NEO1: variants seen among roughly 807,000 people sequenced by gnomAD.
The protein encoded by NEO1 is neogenin 1.
In NEO1, 63 loss-of-function variants were observed where a neutral mutation model predicts 159.7. The observed-to-expected ratio is 0.39, with a 90% CI of 0.32 to 0.49. NEO1 has a LOEUF of 0.49. Ranked by LOEUF, NEO1 falls within the 20% of genes least tolerant of loss-of-function variation. NEO1 has a pLI of 0.85. For missense variants in NEO1, 1,615 were observed against 1,831.0 expected (o/e 0.88, Z 2.15); for synonymous variants, 633 against 662.0 (o/e 0.96, Z 0.67).
intron 4 of NEO1, among the ~76,000 whole-genome samples, chr15:73,127,120 A>G (rs140009173): frequency 3.3e-5 from 5 of 151,840 alleles, no homozygotes; most frequent in Admixed American, 1.3e-4. Context: ...AGTCCCAGCT[A>G]CTCGGGAGGC....
Position 73,270,079 on chromosome 15 carries a change from T to G in NEO1, c.2564T>G (p.Met855Arg). The change falls in exon 17 of 29, where the codon ATG becomes AGG. Residue 855 changes from methionine to arginine, a missense_variant. Physicochemically the swap from Met to Arg is moderately conservative, Grantham distance 91. Coordinates refer to ENST00000261908, the MANE Select transcript of NEO1 (RefSeq NM_002499.4). ...CCAGTGCCAGATCCCACTCCCATGATGCCACCAGTGGGAGTTCAGGCTTCC... is the reference window on the plus strand; with the variant it reads ...CCAGTGCCAGATCCCACTCCCATGAGGCCACCAGTGGGAGTTCAGGCTTCC... Reference protein sequence around the residue: ...YTPVPDPTPMMPPVGVQASIL... With the variant: ...YTPVPDPTPMRPPVGVQASIL... The G allele has an allele frequency of 3.1e-6, 5 of 1,614,182 alleles. No individual in the cohort carries two copies. Among genetic ancestry groups the G allele is most frequent in the Non-Finnish European group, 4.2e-6 (5 of 1,180,000 alleles).
chr15:73,158,512 T>C lies in NEO1; in HGVS notation c.1016-17891T>C, dbSNP rs567861964. Among the ~76,000 whole-genome samples the C allele has an allele frequency of 2.4e-3, 361 of 151,972 alleles. 1 individual carries two copies. The highest frequency in any genetic ancestry group is 8.3e-3 in the African/African-American group (345 of 41,474). ...TCCTGGGCTCAAGCAATCCTCCTGCTTCAGCCTCCTGTGTAACTGGGACCA... is the reference window on the plus strand; with the variant it reads ...TCCTGGGCTCAAGCAATCCTCCTGCCTCAGCCTCCTGTGTAACTGGGACCA... On this transcript the variant is annotated intron_variant, in intron 5 of 28. Coordinates refer to ENST00000261908, the MANE Select transcript of NEO1 (RefSeq NM_002499.4).
At position 73,270,409 on chromosome 15, in the gene NEO1, T is replaced by C. The variant is rs1445665986; in HGVS notation, c.2812T>C (p.Ser938Pro). The C allele has an allele frequency of 1.2e-6, 2 of 1,613,974 alleles. No homozygotes were observed. Residue 938 changes from serine (S) to proline (P), a missense_variant, in exon 18 of 29, where the codon TCA becomes CCA. This residue lies in a region of NEO1 where 126 missense variants were observed against 216.7 expected (regional missense o/e 0.58). Coordinates refer to ENST00000261908, the MANE Select transcript of NEO1 (RefSeq NM_002499.4). ...FSVMVTKGRR[S>P]STWSMTAHGT... is the part of the protein sequence containing the mutation. ...TGTGATGGTGACCAAAGGTCGAAGA[T>C]CAAGTACATGGAGTATGACAGCCCA...
intron 3 of NEO1, among the ~76,000 whole-genome samples, 179 bp from the exon 4 acceptor site, chr15:73,126,238 G>T (rs189717185): frequency 6.6e-6 from 1 of 152,046 alleles, no homozygotes; most frequent in Non-Finnish European, 1.5e-5. Context: ...GTGCTTTGTC[G>T]TGTGTGTATG....
intron 26 of NEO1, among the ~76,000 whole-genome samples, chr15:73,296,984 T>C (rs1288169645): frequency 6.6e-6 from 1 of 152,238 alleles, no homozygotes; most frequent in African/African-American, 2.4e-5. Context: ...GGGGGACTAC[T>C]GTACTTGTTA....
rs774620665 is a variant in NEO1, at chr15:73,116,756, A to G, written c.347A>G (p.His116Arg). 8.7e-6 allele frequency: 14 copies of G among 1,613,962 alleles called. No individual in the cohort carries two copies. Among genetic ancestry groups the G allele is most frequent in the Middle Eastern group, 1.6e-4 (1 of 6,082 alleles). ...DGSLFISNVV[H>R]SKHNKPDEGY... The stretch of plus-strand genomic sequence containing the variant: ...TCTTTATTTATCAGCAATGTGGTGC[A>G]TTCCAAACACAATAAACCTGATGAA... Residue 116 changes from histidine to arginine, a missense_variant, in exon 2 of 29, where the codon CAT becomes CGT. Physicochemically the swap from His to Arg is conservative, Grantham distance 29. Around this residue, in one of 3 missense-constraint regions of NEO1, gnomAD observed 1,018 missense variants for 1,115.4 expected, o/e 0.91. Transcript: ENST00000261908.
intron 16 of NEO1, among the ~76,000 whole-genome samples, chr15:73,268,528 A>G (rs963031138): frequency 6.6e-6 from 1 of 152,108 alleles, no homozygotes; most frequent in Non-Finnish European, 1.5e-5. Context: ...AATGTATGCT[A>G]CTCCTCTGTT....
In NEO1 at chr15:73,126,066, C is replaced by T. The variant is rs139618947; in HGVS notation, c.725-351C>T. On this transcript the variant is annotated intron_variant, in intron 3 of 28. Coordinates refer to ENST00000261908, the MANE Select transcript of NEO1 (RefSeq NM_002499.4). ...GCAATAAGTTATACATCCTTAAGACCCCTAAAGAGCCTAGCACAATGCTTT... is the reference window on the plus strand; with the variant it reads ...GCAATAAGTTATACATCCTTAAGACTCCTAAAGAGCCTAGCACAATGCTTT... 3.5e-3 allele frequency among the ~76,000 whole-genome samples: 538 copies of T among 152,216 alleles called. 3 individuals carry two copies. Among genetic ancestry groups the T allele is most frequent in the African/African-American group, 0.012 (506 of 41,526 alleles).
chr15:73,262,195 T>G (rs531946200), intron 15 of NEO1, among the ~76,000 whole-genome samples: 1 of 152,252 alleles, frequency 6.6e-6, no homozygotes, highest in South Asian at 2.1e-4. Flanking sequence ...CTTTATGACT[T>G]TGGGATAGGC....
intron 8 of NEO1, among the ~76,000 whole-genome samples, chr15:73,244,022 A>C (rs1359169902): frequency 1.3e-5 from 2 of 152,284 alleles, no homozygotes; most frequent in East Asian, 3.9e-4. Flanking sequence ...GTGATTTCTA[A>C]AGCCTAGAAA....
chr15:73,257,130 TCCAAAAAAAAA>T (rs1026473637), intron 13 of NEO1, among the ~76,000 whole-genome samples: 1 of 1,700 alleles, frequency 5.9e-4, no homozygotes, highest in African/African-American at 7.3e-4. Flanking sequence ...AGACTCTGTC[TCCAAAAAAAAA>T]AAAAAAAAAA....
In NEO1 at chr15:73,274,754, T is replaced by C. The variant is rs924937491; in HGVS notation, c.3193+30T>C. 2.5e-6 allele frequency: 4 copies of C among 1,601,696 alleles called. No individual in the cohort carries two copies. The Admixed American group carries it at 5.1e-5, about 20-fold the overall frequency. On this transcript the variant is annotated intron_variant, in intron 21 of 28. Coordinates refer to ENST00000261908, the MANE Select transcript of NEO1 (RefSeq NM_002499.4). ...ATGAGTAGATGGCCTCTCTTTTCTT[T>C]CCTTTCTTTTGTGACCTATTATTAG... is the stretch of plus-strand genomic sequence containing the variant.
chr15:73,106,791 A>G (rs1312216368), intron 1 of NEO1, among the ~76,000 whole-genome samples: 1 of 152,210 alleles, frequency 6.6e-6, no homozygotes, highest in Non-Finnish European at 1.5e-5. Flanking sequence ...AATTGAAATA[A>G]TTAATGTAGG....
intron 1 of NEO1, among the ~76,000 whole-genome samples, chr15:73,068,288 C>A (rs577167340): frequency 1.8e-3 from 215 of 120,814 alleles, no homozygotes; most frequent in African/African-American, 6.3e-3. Flanking sequence ...TTGGTGGGTT[C>A]TCGGCTCACT....
chr15:73,083,164 T>A (rs2069161251), intron 1 of NEO1, among the ~76,000 whole-genome samples: 1 of 152,120 alleles, frequency 6.6e-6, no homozygotes, highest in African/African-American at 2.4e-5. Context: ...AGTTAAGCAG[T>A]GTCAGATCAG....
At chr15:73,249,805 G>A (rs1472672342) in intron 11 of NEO1, 84 bp downstream of exon 11, 6 of 1,437,140 alleles carry the variant, frequency 4.2e-6, no homozygotes, top group Non-Finnish European at 5.6e-6. Context: ...TTGATGTCTA[G>A]AAGATTCAGT....
At chr15:73,174,701 A>G (rs1468859265) in intron 5 of NEO1, among the ~76,000 whole-genome samples, 1 of 152,230 alleles carries the variant, frequency 6.6e-6, no homozygotes, top group Non-Finnish European at 1.5e-5. Flanking sequence ...GAGAGCCTTG[A>G]AATAATAACT....
intron 15 of NEO1, among the ~76,000 whole-genome samples, chr15:73,263,201 T>C (rs2040710107): frequency 6.6e-6 from 1 of 150,556 alleles, no homozygotes; most frequent in South Asian, 2.1e-4. Context: ...TTTTTTTTTT[T>C]TTTTTTTTTT....
intron 5 of NEO1, among the ~76,000 whole-genome samples, chr15:73,167,473 G>A (rs985498493): frequency 2.6e-5 from 4 of 152,072 alleles, no homozygotes; most frequent in Non-Finnish European, 4.4e-5. Flanking sequence ...TGCTGGGGGC[G>A]GGGGAGGCCC....
Sources: gnomAD v4.1 joint callset for allele counts (sites outside exome capture counted in the v4.1 genomes callset) on GRCh38, gnomAD v4.1.1 for gene constraint, gnomAD v4.1.1 regional missense constraint, MANE v1.5 for transcripts, NCBI Gene and HGNC (gene_info 2026-07-23, HGNC 2026-07-21) for gene names.